The following GPC6 variants were observed in gnomAD, a reference collection of about 807,000 sequenced individuals.
GPC6 encodes glypican-6.
In GPC6, 14 loss-of-function variants were observed where a neutral mutation model predicts 55.2. That is an observed-to-expected ratio of 0.25 (90% confidence interval 0.17 to 0.40). The LOEUF (loss-of-function observed/expected upper bound fraction) is 0.40. Among genes scored for constraint, GPC6 ranks in the 10% least tolerant of loss-of-function variants. The probability of loss-of-function intolerance (pLI) is 1.00; values close to 1 mark genes in which losing one functional copy is unlikely to be tolerated. For synonymous variants in GPC6, 278 were observed against 259.6 expected (o/e 1.07, Z -0.68); for missense variants, 641 against 708.5 (o/e 0.90, Z 1.08).
chr13:93,844,558 G>T (rs945325963), intron 3 of GPC6, among the ~76,000 whole-genome samples: 1 of 151,230 alleles, frequency 6.6e-6, no homozygotes, highest in Non-Finnish European at 1.5e-5. Context: ...TTTTTCAGAT[G>T]AGTAGGTTGC....
At chr13:93,928,280 G>A (rs1165893216) in intron 3 of GPC6, among the ~76,000 whole-genome samples, 1 of 152,148 alleles carries the variant, frequency 6.6e-6, no homozygotes, top group Non-Finnish European at 1.5e-5. Flanking sequence ...TCTTGAAAGA[G>A]CAGTGTGGGA....
intron 2 of GPC6, among the ~76,000 whole-genome samples, chr13:93,731,778 A>G (rs946312777): frequency 1.3e-5 from 2 of 152,126 alleles, no homozygotes; most frequent in Non-Finnish European, 2.9e-5. Context: ...TTATAAAGGG[A>G]AGAAAGGGCC....
At chr13:93,623,730 T>C (rs1472832178) in intron 2 of GPC6, among the ~76,000 whole-genome samples, 1 of 152,188 alleles carries the variant, frequency 6.6e-6, no homozygotes, top group African/African-American at 2.4e-5. Flanking sequence ...AATGCTGGGA[T>C]TACAGGCTTG....
intron 1 of GPC6, among the ~76,000 whole-genome samples, chr13:93,324,544 GTATA>G (rs138069348): frequency 6.0e-5 from 8 of 132,950 alleles, no homozygotes; most frequent in Non-Finnish European, 1.1e-4. Context: ...ATGTATGTGT[GTATA>G]TATATATATG....
At chr13:93,453,413 A>T (rs10508005) in intron 1 of GPC6, among the ~76,000 whole-genome samples, 24 of 151,810 alleles carry the variant, frequency 1.6e-4, no homozygotes, top group South Asian at 1.5e-3. Context: ...AGTGCTTACC[A>T]TGTACTGTGC....
At chr13:93,721,530 C>T (rs1883455221) in intron 2 of GPC6, among the ~76,000 whole-genome samples, 1 of 151,616 alleles carries the variant, frequency 6.6e-6, no homozygotes, top group South Asian at 2.1e-4. Context: ...TAAAGAGTCT[C>T]CAGTACTAAT....
At chr13:93,768,680 C>T (rs1885197561) in intron 2 of GPC6, among the ~76,000 whole-genome samples, 2 of 152,006 alleles carry the variant, frequency 1.3e-5, no homozygotes, top group Non-Finnish European at 2.9e-5. Context: ...GCAGTGATGG[C>T]CATTAAGATG....
chr13:93,712,082 G>C (rs1289191240), intron 2 of GPC6, among the ~76,000 whole-genome samples: 1 of 151,658 alleles, frequency 6.6e-6, no homozygotes, highest in African/African-American at 2.4e-5. Context: ...CTGTGTTCCA[G>C]GCTCTGCTTT....
chr13:93,599,852 G>A (rs539928362), intron 2 of GPC6, among the ~76,000 whole-genome samples: 5 of 152,290 alleles, frequency 3.3e-5, no homozygotes, highest in Admixed American at 3.3e-4. Flanking sequence ...AGAGGAAGGA[G>A]AAATGGAGGA....
At chr13:93,728,141 T>C (rs938567838) in intron 2 of GPC6, among the ~76,000 whole-genome samples, 2 of 152,176 alleles carry the variant, frequency 1.3e-5, no homozygotes, top group African/African-American at 2.4e-5. Flanking sequence ...GTACCAACAC[T>C]GTTCATCCAT....
At chr13:93,887,155 C>G (rs1875390222) in intron 3 of GPC6, among the ~76,000 whole-genome samples, 2 of 151,868 alleles carry the variant, frequency 1.3e-5, no homozygotes, top group Non-Finnish European at 2.9e-5. Flanking sequence ...CATGCATAAT[C>G]TGAAATTTAT....
Position 93,995,161 on chromosome 13 carries a change from C to CTATTTTATTTTATTT in GPC6, c.712-32541_712-32527dup, listed in dbSNP as rs5805840. Among the ~76,000 whole-genome samples, 490 of 144,406 alleles carry CTATTTTATTTTATTT rather than the reference C, an allele frequency of 3.4e-3. 3 individuals carry two copies. Among genetic ancestry groups the CTATTTTATTTTATTT allele is most frequent in the African/African-American group, 0.012 (469 of 39,002 alleles). The allele number at this position is 144,406 out of a possible 152,430, so 94.7% of individuals were successfully genotyped here. On this transcript the variant is annotated intron_variant, in intron 3 of 8. Transcript: ENST00000377047. Reference sequence around the variant, plus strand: ...TTTCACATAGCACCCTGTACTTCAACTATTTTATTTTATTTTATTTTATTT... The same window carrying CTATTTTATTTTATTT: ...TTTCACATAGCACCCTGTACTTCAACTATTTTATTTTATTTTATTTTATTTTATTTTATTTTATTT...
At chr13:94,266,442 A>C (rs1474613149) in intron 4 of GPC6, among the ~76,000 whole-genome samples, 2 of 152,152 alleles carry the variant, frequency 1.3e-5, no homozygotes, top group Non-Finnish European at 2.9e-5. Flanking sequence ...TGCTGGGATT[A>C]CAGGCGTGAG....
chr13:93,254,124 A>C (rs1184058736), intron 1 of GPC6, among the ~76,000 whole-genome samples: 1 of 152,076 alleles, frequency 6.6e-6, no homozygotes, highest in Non-Finnish European at 1.5e-5. Context: ...GGAGTTTGAG[A>C]CTGGCTTGGG....
At chr13:93,989,467 T>C (rs1057129400) in intron 3 of GPC6, among the ~76,000 whole-genome samples, 1 of 152,184 alleles carries the variant, frequency 6.6e-6, no homozygotes, top group African/African-American at 2.4e-5. Flanking sequence ...GAAGAACTCA[T>C]GATCAGAGCA....
chr13:93,829,225 A>C (rs2138978437), intron 2 of GPC6, among the ~76,000 whole-genome samples: 1 of 152,292 alleles, frequency 6.6e-6, no homozygotes, highest in South Asian at 2.1e-4. Context: ...ATGAGATAAA[A>C]CTTGAACTTG....
At chr13:93,961,002 G>A (rs1879748948) in intron 3 of GPC6, among the ~76,000 whole-genome samples, 1 of 151,810 alleles carries the variant, frequency 6.6e-6, no homozygotes, top group Non-Finnish European at 1.5e-5. Flanking sequence ...TTTTAGTAGA[G>A]GCGGGGTTTC....
chr13:93,530,571 G>A (rs952350880), intron 1 of GPC6, among the ~76,000 whole-genome samples: 3 of 152,084 alleles, frequency 2.0e-5, no homozygotes, highest in South Asian at 2.1e-4. Flanking sequence ...TCTTAGCTCC[G>A]AGGAGTGGCA....
At chr13:93,438,076 A>G (rs1877640013) in intron 1 of GPC6, among the ~76,000 whole-genome samples, 1 of 152,180 alleles carries the variant, frequency 6.6e-6, no homozygotes, top group South Asian at 2.1e-4. Context: ...TGTTTACAGC[A>G]TGGTTTAAGG....
Sources: allele counts gnomAD v4.1 joint callset (sites outside exome capture counted in the v4.1 genomes callset), GRCh38; gene constraint gnomAD v4.1.1; transcripts MANE v1.5; gene names NCBI Gene and HGNC (gene_info 2026-07-23, HGNC 2026-07-21).